The following GRIK2 variants were observed in gnomAD, a reference collection of about 807,000 sequenced individuals.
GRIK2 encodes glutamate receptor ionotropic, kainate 2.
In GRIK2, 32 loss-of-function variants were observed where a neutral mutation model predicts 100.3. The ratio of observed to expected loss-of-function variants is 0.32; its 90% CI spans 0.24 to 0.43. The LOEUF is 0.43. Among genes scored for constraint, GRIK2 ranks in the 20% least tolerant of loss-of-function variants. GRIK2 has a pLI of 1.00. For synonymous variants in GRIK2, 417 were observed against 389.4 expected, an observed-to-expected ratio of 1.07 and a Z score of -0.83; for missense variants, 843 against 1,114.9, an observed-to-expected ratio of 0.76 and a Z score of 3.47.
intron 12 of GRIK2, among the ~76,000 whole-genome samples, chr6:101,922,065 A>C (rs1034772499): frequency 1.4e-4 from 19 of 139,860 alleles, no homozygotes; most frequent in African/African-American, 4.9e-4. Context: ...CTTCCTTCCT[A>C]CCTTTCTCCA....
chr6:101,402,753 G>A (rs1285818794), intron 2 of GRIK2, among the ~76,000 whole-genome samples: 3 of 152,198 alleles, frequency 2.0e-5, no homozygotes, highest in African/African-American at 4.8e-5. Flanking sequence ...AGCAGAGCCT[G>A]CGACTCTCCC....
At chr6:101,623,195 G>A (rs1780248674) in intron 3 of GRIK2, among the ~76,000 whole-genome samples, 1 of 151,924 alleles carries the variant, frequency 6.6e-6, no homozygotes, top group African/African-American at 2.4e-5. Context: ...TAATATTAAT[G>A]GTAGCTGACA....
At chr6:101,953,507 T>A (rs865848153) in intron 14 of GRIK2, among the ~76,000 whole-genome samples, 5 of 152,222 alleles carry the variant, frequency 3.3e-5, no homozygotes, top group African/African-American at 9.6e-5. Context: ...ACTTCCCTGA[T>A]AGCTAATGTG....
chr6:101,880,362 A>G (rs1451040813), intron 11 of GRIK2, among the ~76,000 whole-genome samples: 1 of 152,056 alleles, frequency 6.6e-6, no homozygotes, highest in Non-Finnish European at 1.5e-5. Flanking sequence ...TATTCCATAA[A>G]TCTTCTCCTA....
At chr6:101,976,564 G>A (rs1187565436) in intron 14 of GRIK2, among the ~76,000 whole-genome samples, 2 of 151,838 alleles carry the variant, frequency 1.3e-5, no homozygotes, top group East Asian at 2.0e-4. Flanking sequence ...TAACACACTT[G>A]CATTCCCAGC....
chr6:101,689,190 T>C (rs1161054573), intron 7 of GRIK2, among the ~76,000 whole-genome samples: 2 of 152,086 alleles, frequency 1.3e-5, no homozygotes, highest in South Asian at 2.1e-4. Flanking sequence ...AAAAGAATTA[T>C]AGCCTGGCAT....
At chr6:101,588,564 G>A (rs1778486304) in intron 2 of GRIK2, among the ~76,000 whole-genome samples, 1 of 152,030 alleles carries the variant, frequency 6.6e-6, no homozygotes, top group Non-Finnish European at 1.5e-5. Flanking sequence ...AGGATCACTT[G>A]AGCCCAGGAG....
chr6:101,717,865 T>C (rs1052023743), intron 7 of GRIK2, among the ~76,000 whole-genome samples: 1 of 151,854 alleles, frequency 6.6e-6, no homozygotes, highest in African/African-American at 2.4e-5. Context: ...TTTAGTTGTA[T>C]GTGCTTGGGG....
At chr6:101,475,407 G>A (rs1020257693) in intron 2 of GRIK2, among the ~76,000 whole-genome samples, 2 of 151,986 alleles carry the variant, frequency 1.3e-5, no homozygotes, top group Non-Finnish European at 2.9e-5. Context: ...ATGTATTGGA[G>A]AGGATGTAGT....
intron 7 of GRIK2, among the ~76,000 whole-genome samples, chr6:101,771,247 A>G (rs1778384727): frequency 6.6e-6 from 1 of 151,956 alleles, no homozygotes; most frequent in Admixed American, 6.6e-5. Flanking sequence ...TTTTTCATTA[A>G]AAATTTTTAT....
chr6:101,455,638 A>C (rs1449430203), intron 2 of GRIK2, among the ~76,000 whole-genome samples: 1 of 152,092 alleles, frequency 6.6e-6, no homozygotes, highest in African/African-American at 2.4e-5. Flanking sequence ...TTGAGTGTCC[A>C]GTAATTTTTC....
intron 7 of GRIK2, among the ~76,000 whole-genome samples, chr6:101,686,896 G>T (rs1174024335): frequency 1.3e-5 from 2 of 151,950 alleles, no homozygotes; most frequent in Non-Finnish European, 2.9e-5. Flanking sequence ...TGAAAGAAGG[G>T]TATATTCTTA....
At chr6:101,834,257 G>A (rs902534403) in intron 10 of GRIK2, among the ~76,000 whole-genome samples, 3 of 151,998 alleles carry the variant, frequency 2.0e-5, no homozygotes, top group Non-Finnish European at 4.4e-5. Flanking sequence ...TTTGGTTGAT[G>A]AAGAAATTTA....
intron 2 of GRIK2, among the ~76,000 whole-genome samples, chr6:101,571,253 C>T (rs1777513294): frequency 6.6e-6 from 1 of 152,106 alleles, no homozygotes; most frequent in African/African-American, 2.4e-5. Context: ...TGATGGTTTG[C>T]TGCACCCATC....
At chr6:101,802,906 TAC>T (rs2128414914) in intron 9 of GRIK2, among the ~76,000 whole-genome samples, 1 of 151,976 alleles carries the variant, frequency 6.6e-6, no homozygotes, top group East Asian at 1.9e-4. Flanking sequence ...CTAGGGTATA[TAC>T]ATAAATGTAA....
chr6:102,011,866 C>A (rs35301827), intron 14 of GRIK2, among the ~76,000 whole-genome samples: 41,068 of 151,968 alleles, frequency 0.27, 5,940 homozygotes, highest in East Asian at 0.34. Flanking sequence ...GATTAACAGG[C>A]GTGAGCCACC....
chr6:101,980,891 CTTT>C (rs36081447), intron 14 of GRIK2, among the ~76,000 whole-genome samples: 71 of 124,744 alleles, frequency 5.7e-4, no homozygotes, highest in African/African-American at 1.9e-3. Flanking sequence ...CCATTTTTTC[CTTT>C]TTTTTTTTTT....
At chr6:102,027,848 A>AAG (rs1201209381) in intron 14 of GRIK2, among the ~76,000 whole-genome samples, 1 of 151,166 alleles carries the variant, frequency 6.6e-6, no homozygotes, top group Non-Finnish European at 1.5e-5. Context: ...TATCTTTAAA[A>AAG]AGAAGATACC....
Position 101,601,270 on chromosome 6 carries a change from C to G in GRIK2, c.116-20679C>G, listed in dbSNP as rs552536465. 5.3e-5 allele frequency among the ~76,000 whole-genome samples: 8 copies of G among 151,852 alleles called. No homozygotes were observed. In the South Asian group the frequency reaches 1.7e-3, roughly 31 times the overall value. On this transcript the variant is annotated intron_variant, in intron 2 of 16. Transcript: ENST00000369134. ...TGCATATGTTGAACCAACCTTGTATCTCAGGAATGAACCTTACTTGAGCAT... is the reference window on the plus strand; with the variant it reads ...TGCATATGTTGAACCAACCTTGTATGTCAGGAATGAACCTTACTTGAGCAT...
Sources: allele counts gnomAD v4.1 joint callset (sites outside exome capture counted in the v4.1 genomes callset), GRCh38; gene constraint gnomAD v4.1.1; transcripts MANE v1.5; gene names NCBI Gene and HGNC (gene_info 2026-07-23, HGNC 2026-07-21).